TEX9: variants seen among roughly 807,000 people sequenced by gnomAD.
TEX9 encodes the protein testis-expressed protein 9.
A neutral mutation model predicts 59.6 loss-of-function variants in TEX9; 74 were observed. That is an observed-to-expected ratio of 1.24 (90% confidence interval 1.03 to 1.51). TEX9 has a LOEUF of 1.51. Ranked by LOEUF, TEX9 falls within the 40% of genes most tolerant of loss-of-function variation. The pLI is 0.00. For synonymous variants in TEX9, 186 were observed against 152.2 expected, an observed-to-expected ratio of 1.22 and a Z score of -1.64; for missense variants, 522 against 447.8, an observed-to-expected ratio of 1.17 and a Z score of -1.49.
At chr15:56,249,133 G>C (rs1248244610) in intron 1 of TEX9, 7 of 152,106 alleles carry the variant, frequency 4.6e-5, no homozygotes, top group African/African-American at 1.7e-4. Context: ...CAAACAAAAG[G>C]TGTGTGACAG....
At chr15:56,343,870 C>T (rs978634586) in intron 1 of TEX9, among the ~76,000 whole-genome samples, 2 of 152,112 alleles carry the variant, frequency 1.3e-5, no homozygotes, top group East Asian at 1.9e-4. Context: ...TCTGAATAGA[C>T]ATTTCTCCAA....
Position 56,394,253 on chromosome 15 carries a change from T to G in TEX9, c.654+6T>G. 1 of 1,595,256 alleles carries G rather than the reference T, an allele frequency of 6.3e-7. No homozygotes were observed. On this transcript the variant is annotated splice_donor_region_variant and intron_variant, in intron 8 of 12. Transcript: ENST00000352903. ...TATGTGAATGCAATAAAAAGGTAAG[T>G]TTTAAAAACCTCTTAAAAGGCTCTA...
chr15:56,284,612 G>A (rs1332804898), intron 1 of TEX9, among the ~76,000 whole-genome samples: 2 of 152,108 alleles, frequency 1.3e-5, no homozygotes, highest in Non-Finnish European at 2.9e-5. Flanking sequence ...GACTAGTCTT[G>A]CAGAGAAATC....
intron 1 of TEX9, among the ~76,000 whole-genome samples, chr15:56,331,572 T>C (rs1391461125): frequency 1.3e-5 from 2 of 151,958 alleles, no homozygotes; most frequent in Non-Finnish European, 2.9e-5. Flanking sequence ...AATAAAGAGA[T>C]TAAGAAGGAA....
chr15:56,365,856 A>G (rs2046918983), intron 2 of TEX9, 186 bp downstream of exon 2: 1 of 1,414,878 alleles, frequency 7.1e-7, no homozygotes, highest in African/African-American at 1.4e-5. Context: ...TCGCCTGCGT[A>G]TTAGAAGATA....
rs369737378 is a variant in TEX9 at position 56,385,000 on chromosome 15, G to C, written c.263+969G>C. On this transcript the variant is annotated intron_variant, in intron 4 of 12. Transcript: ENST00000352903. The stretch of plus-strand genomic sequence containing the variant: ...TTTATGGTTTTAACTCTTAGATTCA[G>C]GTTCTTTGATCCATTTTGAGTTAAT... 2.6e-5 allele frequency among the ~76,000 whole-genome samples: 4 copies of C among 152,254 alleles called. No homozygotes were observed. The South Asian group carries it at 8.3e-4, about 32-fold the overall frequency.
At chr15:56,302,261 G>A (rs1482869764) in intron 1 of TEX9, among the ~76,000 whole-genome samples, 1 of 151,798 alleles carries the variant, frequency 6.6e-6, no homozygotes, top group African/African-American at 2.4e-5. Context: ...GCCAAGGCAG[G>A]AGGATTGCTT....
intron 1 of TEX9, among the ~76,000 whole-genome samples, chr15:56,253,100 A>T (rs1224779972): frequency 2.6e-5 from 4 of 152,106 alleles, no homozygotes; most frequent in Non-Finnish European, 4.4e-5. Context: ...ACATGCCACT[A>T]CTTTATAGTC....
chr15:56,279,097 A>G (rs372553925), intron 1 of TEX9, among the ~76,000 whole-genome samples: 1 of 152,158 alleles, frequency 6.6e-6, no homozygotes, highest in Non-Finnish European at 1.5e-5. Flanking sequence ...ACATATATAT[A>G]TTTTTAACTT....
intron 1 of TEX9, among the ~76,000 whole-genome samples, chr15:56,334,374 T>C (rs989202263): frequency 2.0e-5 from 3 of 152,172 alleles, no homozygotes; most frequent in Non-Finnish European, 2.9e-5. Context: ...AGTGAACTCA[T>C]TTTTGACAAA....
At chr15:56,348,774 C>G (rs934897072) in intron 1 of TEX9, among the ~76,000 whole-genome samples, 1 of 151,996 alleles carries the variant, frequency 6.6e-6, no homozygotes, top group Non-Finnish European at 1.5e-5. Context: ...TTCACCATAT[C>G]TGGGAAATTT....
chr15:56,403,204 T>G (rs1416795828), intron 9 of TEX9, among the ~76,000 whole-genome samples: 1 of 152,256 alleles, frequency 6.6e-6, no homozygotes, highest in Non-Finnish European at 1.5e-5. Flanking sequence ...TGTCCCTGTT[T>G]GCAGATGACA....
At chr15:56,455,828 G>A in the TEX9 span, among the ~76,000 whole-genome samples, 2 of 152,254 alleles carry the variant, frequency 1.3e-5, no homozygotes, top group East Asian at 3.9e-4. Context: ...GCCAGGTTAT[G>A]TAAGAAACAA....
At chr15:56,401,822 G>C (rs1318699455) in intron 9 of TEX9, among the ~76,000 whole-genome samples, 1 of 152,172 alleles carries the variant, frequency 6.6e-6, no homozygotes, top group Non-Finnish European at 1.5e-5. Flanking sequence ...TCAGGATTAA[G>C]AAACTCACTC....
At chr15:56,436,251 ACTGT>A (rs2050722383) in intron 12 of TEX9, among the ~76,000 whole-genome samples, 1 of 152,140 alleles carries the variant, frequency 6.6e-6, no homozygotes, top group Admixed American at 6.5e-5. Flanking sequence ...ATTATAACAA[ACTGT>A]CTCTCAGACC....
intron 1 of TEX9, among the ~76,000 whole-genome samples, chr15:56,284,474 T>C (rs184801916): frequency 6.6e-6 from 1 of 152,076 alleles, no homozygotes; most frequent in African/African-American, 2.4e-5. Context: ...TGTGATAGCA[T>C]GTAAAAATGC....
At chr15:56,388,449 T>A in intron 4 of TEX9, 23 bp from the exon 5 acceptor site, 1 of 1,581,924 alleles carries the variant, frequency 6.3e-7, no homozygotes, top group Non-Finnish European at 8.7e-7. Flanking sequence ...TATTAATGTA[T>A]AATGTTTATT....
chr15:56,431,244 G>C, intron 12 of TEX9: 1 of 1,015,274 alleles, frequency 9.8e-7, no homozygotes, highest in Non-Finnish European at 1.4e-6. Flanking sequence ...GCCTGGACAG[G>C]AGGATCCCAT....
chr15:56,270,073 G>A (rs2044489821), intron 1 of TEX9, among the ~76,000 whole-genome samples: 1 of 152,158 alleles, frequency 6.6e-6, no homozygotes, highest in Non-Finnish European at 1.5e-5. Flanking sequence ...CAACTATGTG[G>A]TCAATTTTGG....
Sources: allele counts gnomAD v4.1 joint callset (sites outside exome capture counted in the v4.1 genomes callset), GRCh38; gene constraint gnomAD v4.1.1; transcripts MANE v1.5; gene names NCBI Gene and HGNC (gene_info 2026-07-23, HGNC 2026-07-21).